PEX14: variants seen among roughly 807,000 people sequenced by gnomAD.
PEX14 encodes peroxisomal biogenesis factor 14, also known as peroxisomal membrane protein PEX14.
In PEX14, 15 loss-of-function variants were observed where a neutral mutation model predicts 49.5. That is an observed-to-expected ratio of 0.30 (90% CI 0.20 to 0.47). The LOEUF is 0.47. Ranked by LOEUF, PEX14 falls within the 20% of genes least tolerant of loss-of-function variation. The pLI is 1.00. For missense variants in PEX14, 398 were observed against 494.8 expected, an observed-to-expected ratio of 0.80 and a Z score of 1.86; for synonymous variants, 210 against 212.7, an observed-to-expected ratio of 0.99 and a Z score of 0.11.
intron 3 of PEX14, among the ~76,000 whole-genome samples, chr1:10,558,736 C>CAAAAAAAAAAAA (rs34343338): frequency 8.8e-6 from 1 of 113,436 alleles, no homozygotes; most frequent in African/African-American, 3.1e-5. Flanking sequence ...GACCCTGTCT[C>CAAAAAAAAAAAA]AAAAAAAAAA....
intron 1 of PEX14, among the ~76,000 whole-genome samples, chr1:10,481,495 G>A (rs1641283019): frequency 6.6e-6 from 1 of 152,072 alleles, no homozygotes; most frequent in Non-Finnish European, 1.5e-5. Flanking sequence ...AGTCTGGAGT[G>A]GAGAGGTGTT....
chr1:10,623,185 C>G lies in PEX14; in HGVS notation c.487+64C>G. On this transcript the variant is annotated intron_variant, in intron 6 of 8. Transcript: ENST00000356607. The surrounding 1 kb of genome is among the most constrained non-coding windows in gnomAD (Gnocchi z 4.4). ...CTTCTCCAAGCAGCCCCTTCTCTGC[C>G]CCTCCCCTCTCCCTCTGTCTCCACT... The G allele has an allele frequency of 2.0e-6, 2 of 994,978 alleles. No individual in the cohort carries two copies. The highest frequency in any genetic ancestry group is 2.4e-5 in the East Asian group (1 of 40,866). 61.6% of individuals were successfully genotyped at this position (994,978 alleles called of 1,614,324 possible). A position where few individuals can be genotyped will look rare whatever the true frequency, so the allele number is the denominator to read the frequency against.
At chr1:10,549,156 T>C (rs1343386772) in intron 3 of PEX14, among the ~76,000 whole-genome samples, 3 of 152,192 alleles carry the variant, frequency 2.0e-5, no homozygotes, top group African/African-American at 7.2e-5. Flanking sequence ...CCCTCTGTGA[T>C]AAATTAAATA....
chr1:10,503,129 G>A (rs1452750960), intron 2 of PEX14, among the ~76,000 whole-genome samples: 1 of 151,264 alleles, frequency 6.6e-6, no homozygotes, highest in Non-Finnish European at 1.5e-5. Context: ...CTTATCCCTG[G>A]CATCATTCTT....
chr1:10,574,646 A>C (rs1264963697), intron 3 of PEX14, among the ~76,000 whole-genome samples: 2 of 152,202 alleles, frequency 1.3e-5, no homozygotes, highest in Admixed American at 6.5e-5. Flanking sequence ...CACAATATAT[A>C]ATCATGGGAT....
In PEX14 at chr1:10,600,905, G is replaced by T. The variant is rs563966218; in HGVS notation, c.298+1539G>T. On this transcript the variant is annotated intron_variant, in intron 4 of 8. Coordinates refer to ENST00000356607, the MANE Select transcript of PEX14 (RefSeq NM_004565.3). ...TCCCAGCACTTTGGGAGGCCGAGGC[G>T]GGTGGATCATGAGGTCAGGAGTTCG... 8.6e-5 allele frequency among the ~76,000 whole-genome samples: 13 copies of T among 151,894 alleles called. No homozygotes were observed. In the South Asian group the frequency reaches 2.7e-3, roughly 32 times the overall value.
At chr1:10,500,611 G>C (rs1259798328) in intron 2 of PEX14, among the ~76,000 whole-genome samples, 1 of 151,896 alleles carries the variant, frequency 6.6e-6, no homozygotes, top group East Asian at 1.9e-4. Context: ...GTCTCGCTGT[G>C]TCACCCAGGC....
intron 3 of PEX14, among the ~76,000 whole-genome samples, chr1:10,598,608 G>A (rs545516730): frequency 1.3e-5 from 2 of 152,358 alleles, no homozygotes; most frequent in South Asian, 2.1e-4. Context: ...TACAGGCAGC[G>A]TGTGATAGGC....
chr1:10,619,482 A>G (rs1641529846), intron 5 of PEX14, among the ~76,000 whole-genome samples: 1 of 151,742 alleles, frequency 6.6e-6, no homozygotes, highest in Non-Finnish European at 1.5e-5. Flanking sequence ...ATGCCTGGCT[A>G]ATTTTTGTAC....
At chr1:10,518,883 G>A (rs1003823950) in intron 2 of PEX14, among the ~76,000 whole-genome samples, 1 of 152,064 alleles carries the variant, frequency 6.6e-6, no homozygotes, top group African/African-American at 2.4e-5. Flanking sequence ...TGTTAGTGCC[G>A]GTGAAGGGGA....
chr1:10,580,481 T>C (rs1237280307), intron 3 of PEX14, among the ~76,000 whole-genome samples: 2 of 152,156 alleles, frequency 1.3e-5, no homozygotes, highest in Non-Finnish European at 2.9e-5. Flanking sequence ...TGCCTTGACC[T>C]TTCAAAGTGT....
chr1:10,537,769 C>A (rs1638880411), intron 3 of PEX14, among the ~76,000 whole-genome samples: 1 of 152,036 alleles, frequency 6.6e-6, no homozygotes, highest in South Asian at 2.1e-4. Context: ...TTCCCCACCG[C>A]AGGCTTTGCT....
At chr1:10,544,278 A>G (rs1487888737) in intron 3 of PEX14, among the ~76,000 whole-genome samples, 2 of 152,180 alleles carry the variant, frequency 1.3e-5, no homozygotes, top group Non-Finnish European at 2.9e-5. Flanking sequence ...CTTTTCTCCC[A>G]TTTTACATAG....
At chr1:10,536,472 C>T (rs1487617076) in intron 3 of PEX14, 175 bp downstream of exon 3, 10 of 647,312 alleles carry the variant, frequency 1.5e-5, no homozygotes, top group African/African-American at 3.6e-5. Context: ...TCTTTCCTGA[C>T]AATGGAGCGG....
chr1:10,564,814 A>C (rs1007429956), intron 3 of PEX14, among the ~76,000 whole-genome samples: 1 of 151,490 alleles, frequency 6.6e-6, no homozygotes, highest in African/African-American at 2.4e-5. Context: ...TAGTTCTTTT[A>C]AAGTCTTTGA....
intron 4 of PEX14, among the ~76,000 whole-genome samples, chr1:10,610,819 T>G (rs1367859872): frequency 6.6e-6 from 1 of 152,174 alleles, no homozygotes; most frequent in Non-Finnish European, 1.5e-5. Context: ...TATTTTAGAC[T>G]TTGTGAGCCA....
At chr1:10,478,511 A>G (rs886144768) in intron 1 of PEX14, among the ~76,000 whole-genome samples, 3 of 152,264 alleles carry the variant, frequency 2.0e-5, no homozygotes, top group East Asian at 1.9e-4. Flanking sequence ...TTTTTAGTCT[A>G]TCCTCAAGAC....
chr1:10,520,414 C>T (rs1638249692), intron 2 of PEX14, among the ~76,000 whole-genome samples: 2 of 152,244 alleles, frequency 1.3e-5, no homozygotes, highest in Non-Finnish European at 2.9e-5. Context: ...CCACCTTGGC[C>T]TCCCAGAGTG....
In PEX14 at chr1:10,536,252, C is replaced by T. The variant is rs540190684; in HGVS notation, c.124C>T (p.Arg42Cys). The T allele has an allele frequency of 1.1e-5, 18 of 1,612,492 alleles. No individual in the cohort carries two copies. The highest frequency in any genetic ancestry group is 4.4e-5 in the South Asian group (4 of 91,036). The change falls in exon 3 of 9, where the codon CGC becomes TGC. Residue 42 changes from arginine to cysteine, a missense_variant. Physicochemically the swap from Arg to Cys is radical, Grantham distance 180 (BLOSUM62 -3). Coordinates refer to ENST00000356607, the MANE Select transcript of PEX14 (RefSeq NM_004565.3). ...GAAGTTTCTACAGAATTCCCGGGTCCGCCAGAGCCCACTTGCAACCAGGAG... is the reference window on the plus strand; with the variant it reads ...GAAGTTTCTACAGAATTCCCGGGTCTGCCAGAGCCCACTTGCAACCAGGAG... Reference protein sequence around the residue: ...AVKFLQNSRVRQSPLATRRAF... With the variant: ...AVKFLQNSRVCQSPLATRRAF...
Sources: gnomAD v4.1 joint callset for allele counts (sites outside exome capture counted in the v4.1 genomes callset) on GRCh38, gnomAD v4.1.1 for gene constraint, Gnocchi (gnomAD v3.1) non-coding constraint, MANE v1.5 for transcripts, NCBI Gene and HGNC (gene_info 2026-07-23, HGNC 2026-07-21) for gene names.